KATNAL2: variants seen among roughly 807,000 people sequenced by gnomAD.
KATNAL2 encodes the protein katanin catalytic subunit A1 like 2, also known as katanin p60 ATPase-containing subunit A-like 2.
A neutral mutation model predicts 76.3 loss-of-function variants in KATNAL2; 52 were observed. That is an observed-to-expected ratio of 0.68 (90% confidence interval 0.55 to 0.86). KATNAL2 has a LOEUF of 0.86. Ranked by LOEUF, KATNAL2 falls within the 40% of genes least tolerant of loss-of-function variation. KATNAL2 has a pLI of 0.00. For synonymous variants in KATNAL2, 243 were observed against 244.2 expected (o/e 1.00, Z 0.05); for missense variants, 660 against 668.9 (o/e 0.99, Z 0.15).
At chr18:47,047,500 C>A (rs2061197871) in intron 4 of KATNAL2, among the ~76,000 whole-genome samples, 1 of 152,138 alleles carries the variant, frequency 6.6e-6, no homozygotes, top group Non-Finnish European at 1.5e-5. Flanking sequence ...CTATAACTGG[C>A]AGGGTGAGGA....
chr18:46,934,791 G>T (rs920309136), intron 1 of KATNAL2, among the ~76,000 whole-genome samples: 6 of 152,092 alleles, frequency 3.9e-5, no homozygotes, highest in East Asian at 1.9e-4. Context: ...GGTCTAACAT[G>T]TAAGTCTTTA....
chr18:47,074,689 C>T (rs1049977250), intron 13 of KATNAL2, among the ~76,000 whole-genome samples: 4 of 152,068 alleles, frequency 2.6e-5, no homozygotes, highest in Non-Finnish European at 5.9e-5. Flanking sequence ...AATAGAACAT[C>T]GTATTCAATT....
At chr18:47,034,933 C>T (rs1569056282) in intron 3 of KATNAL2, 13 of 1,611,932 alleles carry the variant, frequency 8.1e-6, no homozygotes, top group Non-Finnish European at 1.0e-5. Flanking sequence ...TTCTGGGAAG[C>T]CCCAGGCCTT....
chr18:47,039,673 A>G (rs910352325), intron 3 of KATNAL2, among the ~76,000 whole-genome samples: 1 of 152,344 alleles, frequency 6.6e-6, no homozygotes, highest in African/African-American at 2.4e-5. Context: ...AACACTAGCT[A>G]CTTTTTCTCA....
At chr18:47,054,269 T>C (rs1336421379) in intron 5 of KATNAL2, 127 bp from the exon 6 acceptor site, 4 of 790,724 alleles carry the variant, frequency 5.1e-6, no homozygotes, top group Non-Finnish European at 8.6e-6. Context: ...GCTTAAAGTC[T>C]CTAGATTCCA....
At position 47,068,741 on chromosome 18, in the gene KATNAL2, G is replaced by A. The variant is rs762053943; in HGVS notation, c.826-479G>A. Reference sequence around the variant, plus strand: ...GTTCAGCGTTGGTGTCTCTTAATGCGTTTGCCCCTGAATATTCCCAACTTC... The same window carrying A: ...GTTCAGCGTTGGTGTCTCTTAATGCATTTGCCCCTGAATATTCCCAACTTC... On this transcript the variant is annotated intron_variant, in intron 11 of 17. Transcript: ENST00000683218. Among the ~76,000 whole-genome samples, 9 of 152,290 alleles carry A rather than the reference G, an allele frequency of 5.9e-5. No homozygotes were observed. The South Asian group carries it at 1.5e-3, about 25-fold the overall frequency.
At chr18:46,941,763 T>G (rs1161226000) in intron 1 of KATNAL2, among the ~76,000 whole-genome samples, 1 of 152,224 alleles carries the variant, frequency 6.6e-6, no homozygotes, top group Non-Finnish European at 1.5e-5. Context: ...TGTTTATTCT[T>G]GTTTTCCAAC....
chr18:46,948,881 A>T (rs977753408), intron 3 of KATNAL2, among the ~76,000 whole-genome samples: 3 of 116,796 alleles, frequency 2.6e-5, no homozygotes, highest in African/African-American at 1.0e-4. Flanking sequence ...TGTTGCAAGT[A>T]TCTGCATTGT....
chr18:46,921,693 CAAAA>C (rs34156817), intron 1 of KATNAL2, among the ~76,000 whole-genome samples: 32 of 137,970 alleles, frequency 2.3e-4, no homozygotes, highest in African/African-American at 7.7e-4. Context: ...AAACACATAA[CAAAA>C]AAAAAAAAGC....
intron 3 of KATNAL2, chr18:47,033,639 G>T: frequency 2.5e-6 from 4 of 1,614,212 alleles, no homozygotes; most frequent in Non-Finnish European, 3.4e-6. Flanking sequence ...CGCTGAGGGC[G>T]TCCGGATTGT....
At chr18:47,069,381 C>A in intron 12 of KATNAL2, 98 bp downstream of exon 12, 1 of 1,350,772 alleles carries the variant, frequency 7.4e-7, no homozygotes, top group Non-Finnish European at 1.0e-6. Context: ...CACACGAGAG[C>A]TGAGCAGTCA....
chr18:47,048,826 CTCTTTTTTTTTTTTTT>C (rs2061244532), intron 4 of KATNAL2, among the ~76,000 whole-genome samples: 1 of 118,504 alleles, frequency 8.4e-6, no homozygotes, highest in South Asian at 2.7e-4. Context: ...AGAAGCCAGA[CTCTTTTTTTTTTTTTT>C]TTTTTTTTTT....
At chr18:47,072,119 C>T (rs2062030837) in intron 13 of KATNAL2, among the ~76,000 whole-genome samples, 3 of 151,476 alleles carry the variant, frequency 2.0e-5, no homozygotes, top group African/African-American at 7.3e-5. Context: ...CCCCACCATG[C>T]CTGGCTTTTT....
intron 3 of KATNAL2, chr18:47,033,248 T>G: frequency 6.2e-7 from 1 of 1,613,754 alleles, no homozygotes; most frequent in Non-Finnish European, 8.5e-7. Flanking sequence ...GAGGCTGGCT[T>G]GATCTCCCCA....
chr18:47,069,348 C>A (rs2061918181), intron 12 of KATNAL2, 65 bp downstream of exon 12: 1 of 1,428,812 alleles, frequency 7.0e-7, no homozygotes, highest in Non-Finnish European at 9.8e-7. Flanking sequence ...GTTGCCCCTT[C>A]TGTCCTCACT....
chr18:47,073,755 A>G, intron 13 of KATNAL2, among the ~76,000 whole-genome samples: 1 of 152,178 alleles, frequency 6.6e-6, no homozygotes, highest in South Asian at 2.1e-4. Context: ...CTTTCAATGC[A>G]CCGCCCCCCA....
chr18:46,919,547 G>A (rs1361668411), intron 1 of KATNAL2, among the ~76,000 whole-genome samples: 8 of 151,682 alleles, frequency 5.3e-5, no homozygotes, highest in Non-Finnish European at 1.2e-4. Flanking sequence ...TACTCGTGAG[G>A]CTGAGACAGG....
chr18:47,057,766 G>A (rs2061511838), intron 6 of KATNAL2, among the ~76,000 whole-genome samples: 1 of 152,090 alleles, frequency 6.6e-6, no homozygotes, highest in Non-Finnish European at 1.5e-5. Flanking sequence ...AAGTAGGCAG[G>A]GTATATCCAG....
At chr18:47,048,567 C>T (rs769987271) in intron 4 of KATNAL2, among the ~76,000 whole-genome samples, 3 of 152,140 alleles carry the variant, frequency 2.0e-5, no homozygotes, top group African/African-American at 4.8e-5. Flanking sequence ...AATTGAGCCC[C>T]GGAGCAGGGC....
Sources: gnomAD v4.1 joint callset for allele counts (sites outside exome capture counted in the v4.1 genomes callset) on GRCh38, gnomAD v4.1.1 for gene constraint, MANE v1.5 for transcripts, NCBI Gene and HGNC (gene_info 2026-07-23, HGNC 2026-07-21) for gene names.